Variants in LRP12 observed in about 807,000 individuals in gnomAD.
LRP12 encodes the protein low-density lipoprotein receptor-related protein 12.
LRP12 carries 14 observed loss-of-function variants against 66.0 expected under a neutral mutation model. That is an observed-to-expected ratio of 0.21 (90% CI 0.14 to 0.33). LRP12 has a LOEUF of 0.33. LRP12 is among the 10% of genes least tolerant of loss of function. The pLI is 1.00. For missense variants in LRP12, 889 were observed against 1,053.4 expected, an observed-to-expected ratio of 0.84 and a Z score of 2.16; for synonymous variants, 357 against 359.1, an observed-to-expected ratio of 0.99 and a Z score of 0.07.
intron 1 of LRP12, among the ~76,000 whole-genome samples, chr8:104,544,994 C>T (rs903619509): frequency 5.3e-5 from 8 of 152,152 alleles, no homozygotes; most frequent in Non-Finnish European, 1.2e-4. Flanking sequence ...AAGGATTCAC[C>T]ATTCTAGATG....
intron 1 of LRP12, among the ~76,000 whole-genome samples, chr8:104,565,149 C>T (rs984722760): frequency 6.6e-6 from 1 of 151,908 alleles, no homozygotes; most frequent in African/African-American, 2.4e-5. Context: ...AACACATATA[C>T]AAGTGTAGAC....
intron 1 of LRP12, among the ~76,000 whole-genome samples, chr8:104,553,613 G>C (rs913443391): frequency 6.6e-6 from 1 of 152,062 alleles, no homozygotes; most frequent in Non-Finnish European, 1.5e-5. Flanking sequence ...GTTTGAGCTC[G>C]GCCACACCTA....
intron 1 of LRP12, among the ~76,000 whole-genome samples, chr8:104,558,858 C>A (rs1009458254): frequency 6.6e-6 from 1 of 151,936 alleles, no homozygotes; most frequent in Non-Finnish European, 1.5e-5. Flanking sequence ...GAAAAAAATG[C>A]TCAACATCAC....
At chr8:104,554,420 G>A (rs1811774310) in intron 1 of LRP12, among the ~76,000 whole-genome samples, 1 of 151,362 alleles carries the variant, frequency 6.6e-6, no homozygotes, top group Non-Finnish European at 1.5e-5. Context: ...TAAATAGATA[G>A]CATAAATAAA....
At chr8:104,531,860 CCATAT>C (rs1208720434) in intron 2 of LRP12, 42 bp downstream of exon 2, 56 of 1,263,734 alleles carry the variant, frequency 4.4e-5, no homozygotes, top group Admixed American at 1.4e-4. Context: ...TCAATATTTA[CCATAT>C]AAGTCATGCA....
intron 1 of LRP12, among the ~76,000 whole-genome samples, chr8:104,588,509 A>G (rs1382731980): frequency 6.6e-6 from 1 of 152,186 alleles, no homozygotes; most frequent in African/African-American, 2.4e-5. Flanking sequence ...GTCCTGGAGC[A>G]ACTGGCCGCG....
At position 104,495,197 on chromosome 8, in the gene LRP12, T is replaced by C. The variant is rs10101563; in HGVS notation, c.1593A>G (p.Thr531=). 6.2e-7 allele frequency: 1 copy of C among 1,612,880 alleles called. No individual in the cohort carries two copies. The highest frequency in any genetic ancestry group is 8.5e-7 in the Non-Finnish European group (1 of 1,179,592). The change falls in exon 6 of 7, where the codon ACA becomes ACG. Residue 531 remains threonine (T), a synonymous_variant. Transcript: ENST00000276654. ...ATTCTGCTTCCACTCTTGACAACTG[T>C]GTTTCAAATGATCTTTGAGAGTAGA... ...LRMFERRSFE[T]QLSRVEAELL... is the part of the protein sequence containing the mutation.
At chr8:104,568,108 G>A (rs1039584132) in intron 1 of LRP12, among the ~76,000 whole-genome samples, 2 of 152,224 alleles carry the variant, frequency 1.3e-5, no homozygotes, top group Admixed American at 6.5e-5. Context: ...GATCTGAGAG[G>A]TAAACTCTCA....
chr8:104,570,623 A>C (rs1447205483), intron 1 of LRP12, among the ~76,000 whole-genome samples: 1 of 152,216 alleles, frequency 6.6e-6, no homozygotes, highest in Non-Finnish European at 1.5e-5. Context: ...TAAAAAGATA[A>C]ATTATAATGA....
intron 1 of LRP12, among the ~76,000 whole-genome samples, chr8:104,539,845 T>A (rs115292128): frequency 1.1e-3 from 164 of 152,252 alleles, no homozygotes; most frequent in African/African-American, 3.6e-3. Context: ...TCTGATATGC[T>A]GTAGCCTGAT....
intron 1 of LRP12, among the ~76,000 whole-genome samples, chr8:104,581,859 A>G (rs555418767): frequency 6.6e-6 from 1 of 152,244 alleles, no homozygotes; most frequent in South Asian, 2.1e-4. Context: ...ACCTCACACA[A>G]TGATTTTGAG....
chr8:104,543,704 C>G (rs7009946), intron 1 of LRP12, among the ~76,000 whole-genome samples: 4,666 of 152,248 alleles, frequency 0.031, 237 homozygotes, highest in African/African-American at 0.11. Flanking sequence ...GGTGGATCAC[C>G]TGAGGTCAGG....
At chr8:104,577,344 G>A in intron 1 of LRP12, among the ~76,000 whole-genome samples, 1 of 152,090 alleles carries the variant, frequency 6.6e-6, no homozygotes, top group Non-Finnish European at 1.5e-5. Flanking sequence ...ACACTCCTCA[G>A]CAAATACAAA....
At chr8:104,499,562 G>GA (rs770466018) in intron 3 of LRP12, 43 bp from the exon 4 acceptor site, 1,143 of 1,394,132 alleles carry the variant, frequency 8.2e-4, no homozygotes, top group Non-Finnish European at 9.6e-4. Context: ...GTCAATTTTG[G>GA]AAAAAAAAAT....
Position 104,490,548 on chromosome 8 carries a change from TATAATA to T in LRP12, c.*119_*124del. 1.8e-6 allele frequency: 2 copies of T among 1,110,744 alleles called. No homozygotes were observed. Among genetic ancestry groups the T allele is most frequent in the South Asian group, 1.6e-5 (1 of 61,036 alleles). The allele number at this position is 1,110,744 out of a possible 1,614,324, so 68.8% of individuals were successfully genotyped here. ...TCGAATTTAACCATGCAGGCTAACATATAATAATAAGAAATCACCCTGCATTTTTTC... is the reference window on the plus strand; with the variant it reads ...TCGAATTTAACCATGCAGGCTAACATATAAGAAATCACCCTGCATTTTTTC... On this transcript the variant is annotated 3_prime_UTR_variant, in exon 7 of 7. Transcript: ENST00000276654.
rs377101408 is a variant in LRP12 at position 104,588,830 on chromosome 8, G to A, written c.68C>T (p.Ala23Val). Residue 23 changes from alanine (A) to valine (V), a missense_variant, in exon 1 of 7, where the codon GCT becomes GTT. By Grantham distance (64) the Ala-to-Val change is moderately conservative. Coordinates refer to ENST00000276654, the MANE Select transcript of LRP12 (RefSeq NM_013437.5). Reference protein sequence around the residue: ...WRSALLLLFLAGVYGNGALAE... With the variant: ...WRSALLLLFLVGVYGNGALAE... ...ACGCGGACACTTACCGTACACCCCA[G>A]CGAGGAAAAGCAAGAGCAACGCAGA... The A allele has an allele frequency of 3.2e-5, 52 of 1,612,640 alleles. No individual in the cohort carries two copies. The highest frequency in any genetic ancestry group is 4.3e-5 in the Non-Finnish European group (51 of 1,179,408).
intron 2 of LRP12, among the ~76,000 whole-genome samples, chr8:104,512,418 C>T (rs547086258): frequency 6.6e-6 from 1 of 152,250 alleles, no homozygotes; most frequent in African/African-American, 2.4e-5. Context: ...ACAATCATCA[C>T]CCTTTCCCCA....
chr8:104,505,480 G>C (rs1227156650), intron 3 of LRP12: 1 of 130,752 alleles, frequency 7.6e-6, no homozygotes, highest in African/African-American at 2.9e-5. Flanking sequence ...TCTTGGCTCT[G>C]TAACCTCCAC....
Position 104,490,155 on chromosome 8 carries a change from G to A in LRP12, c.*518C>T, listed in dbSNP as rs1446045385. ...TAGACAGTTTGTTTCCCACTGACAA[G>A]TTCATATGATAATGAAATCCAATAA... On this transcript the variant is annotated 3_prime_UTR_variant, in exon 7 of 7. Coordinates refer to ENST00000276654, the MANE Select transcript of LRP12 (RefSeq NM_013437.5). The A allele has an allele frequency of 3.3e-5, 5 of 152,302 alleles. No homozygotes were observed. Among genetic ancestry groups the A allele is most frequent in the Admixed American group, 3.3e-4 (5 of 15,248 alleles). The allele number at this position is 152,302 out of a possible 1,614,324, so 9.4% of individuals were successfully genotyped here. A position where few individuals can be genotyped will look rare whatever the true frequency, so the allele number is the denominator to read the frequency against.
Sources: gnomAD v4.1 joint callset for allele counts (sites outside exome capture counted in the v4.1 genomes callset) on GRCh38, gnomAD v4.1.1 for gene constraint, MANE v1.5 for transcripts, NCBI Gene and HGNC (gene_info 2026-07-23, HGNC 2026-07-21) for gene names.